Variants in SPATS2 observed in about 807,000 individuals in gnomAD.
SPATS2 encodes spermatogenesis associated serine rich 2, also known as spermatogenesis-associated serine-rich protein 2.
A neutral mutation model predicts 63.7 loss-of-function variants in SPATS2; 38 were observed. The observed-to-expected ratio is 0.60, with a 90% CI of 0.46 to 0.78. The LOEUF (loss-of-function observed/expected upper bound fraction) is 0.78. Among genes scored for constraint, SPATS2 ranks in the 30% least tolerant of loss-of-function variants. The pLI, the probability that SPATS2 is intolerant of heterozygous loss-of-function variation, is 0.00. For synonymous variants in SPATS2, 207 were observed against 232.9 expected (o/e 0.89, Z 1.01); for missense variants, 588 against 666.2 (o/e 0.88, Z 1.29).
chr12:49,459,261 A>T (rs1418888273), intron 2 of SPATS2, among the ~76,000 whole-genome samples: 1 of 152,182 alleles, frequency 6.6e-6, no homozygotes, highest in Non-Finnish European at 1.5e-5. Context: ...GTGCTAGAAG[A>T]TAAATTACCT....
intron 2 of SPATS2, among the ~76,000 whole-genome samples, chr12:49,458,077 A>G (rs929912796): frequency 1.3e-5 from 2 of 152,304 alleles, no homozygotes; most frequent in African/African-American, 4.8e-5. Flanking sequence ...ATTATTTAAT[A>G]TAAGTGTACT....
At chr12:49,455,012 A>G (rs1945694360) in intron 2 of SPATS2, among the ~76,000 whole-genome samples, 3 of 152,096 alleles carry the variant, frequency 2.0e-5, no homozygotes. Flanking sequence ...AAAAGTGCAC[A>G]CAGCCTTTAC....
intron 3 of SPATS2, among the ~76,000 whole-genome samples, chr12:49,480,796 T>G (rs930517698): frequency 4.4e-5 from 5 of 113,642 alleles, no homozygotes; most frequent in Non-Finnish European, 9.4e-5. Context: ...TTGTTTTCTG[T>G]TTTTTTTTTT....
intron 2 of SPATS2, among the ~76,000 whole-genome samples, chr12:49,385,422 C>A (rs1009163871): frequency 2.7e-5 from 4 of 148,460 alleles, no homozygotes; most frequent in African/African-American, 1.0e-4. Flanking sequence ...GAGACAGATT[C>A]AGATGTAGTG....
Position 49,460,782 on chromosome 12 carries a change from A to G in SPATS2, c.-231A>G. 1.8e-6 allele frequency: 1 copy of G among 562,020 alleles called. No homozygotes were observed. The highest frequency in any genetic ancestry group is 2.2e-5 in the South Asian group (1 of 44,624). 34.8% of individuals were successfully genotyped at this position (562,020 alleles called of 1,614,324 possible). A position where few individuals can be genotyped will look rare whatever the true frequency, so the allele number is the denominator to read the frequency against. ...TTTTTCCCTCCAGAATCTCCCTGGA[A>G]AAGGAGACATGAATGTCTGCAATGA... On this transcript the variant is annotated 5_prime_UTR_variant, in exon 3 of 14. Coordinates refer to ENST00000552918, the MANE Select transcript of SPATS2 (RefSeq NM_023071.4).
At chr12:49,382,144 G>A (rs560442777) in intron 2 of SPATS2, among the ~76,000 whole-genome samples, 2 of 152,312 alleles carry the variant, frequency 1.3e-5, no homozygotes, top group Non-Finnish European at 2.9e-5. Flanking sequence ...CTGCAATGCC[G>A]TCCAAGTCAG....
intron 6 of SPATS2, among the ~76,000 whole-genome samples, chr12:49,493,205 T>TG: frequency 6.6e-6 from 1 of 151,982 alleles, no homozygotes; most frequent in South Asian, 2.1e-4. Flanking sequence ...AGAAAGGACT[T>TG]GGGGAAAAAT....
At chr12:49,458,883 A>G (rs971068418) in intron 2 of SPATS2, among the ~76,000 whole-genome samples, 1 of 152,212 alleles carries the variant, frequency 6.6e-6, no homozygotes, top group African/African-American at 2.4e-5. Flanking sequence ...GCTTCCTGCA[A>G]TATGGACTAA....
chr12:49,431,280 GCT>G (rs1291911928), intron 2 of SPATS2, among the ~76,000 whole-genome samples: 1 of 150,466 alleles, frequency 6.6e-6, no homozygotes, highest in African/African-American at 2.5e-5. Context: ...GTGGAGCCTC[GCT>G]CTGTCGCCCA....
intron 2 of SPATS2, among the ~76,000 whole-genome samples, chr12:49,437,157 C>T (rs1286828980): frequency 9.3e-5 from 14 of 150,302 alleles, no homozygotes; most frequent in African/African-American, 3.2e-4. Flanking sequence ...TCAGACGGGG[C>T]GGTTGCCAGG....
chr12:49,525,005 C>G (rs1947009068), intron 13 of SPATS2, 109 bp downstream of exon 13: 1 of 1,120,918 alleles, frequency 8.9e-7, no homozygotes, highest in East Asian at 2.5e-5. Flanking sequence ...CCATTCCATG[C>G]CTGTTTTGAA....
intron 2 of SPATS2, among the ~76,000 whole-genome samples, chr12:49,372,940 TTGTGTGTGTGTGTGTGTGTGTGTG>T (rs56940721): frequency 1.0e-4 from 13 of 130,138 alleles, no homozygotes; most frequent in Admixed American, 5.5e-4. Context: ...ATTTTCTGTT[TTGTGTGTGTGTGTGTGTGTGTGTG>T]TGTGTGTGTG....
At chr12:49,503,665 A>G (rs1238167457) in intron 9 of SPATS2, among the ~76,000 whole-genome samples, 2 of 152,176 alleles carry the variant, frequency 1.3e-5, no homozygotes, top group South Asian at 2.1e-4. Flanking sequence ...AAAAAAGAAA[A>G]AAGAAAGAGC....
chr12:49,499,914 A>G (rs1946535147), intron 8 of SPATS2, among the ~76,000 whole-genome samples, 156 bp from the exon 9 acceptor site: 1 of 152,094 alleles, frequency 6.6e-6, no homozygotes, highest in South Asian at 2.1e-4. Flanking sequence ...TTTTCCAAAA[A>G]TCTATAAAAA....
rs377094785 is a variant in SPATS2 at position 49,464,542 on chromosome 12, G to A, written c.25+3505G>A. ...CTCAGGAGGCTGAGGCAGGAGAATC[G>A]CTTGAACCCGGGAGGTGGAGGTTGC... On this transcript the variant is annotated intron_variant, in intron 3 of 13. Transcript: ENST00000552918. 1.8e-3 allele frequency among the ~76,000 whole-genome samples: 271 copies of A among 150,168 alleles called. 1 individual carries two copies. Among genetic ancestry groups the A allele is most frequent in the African/African-American group, 6.3e-3 (256 of 40,676 alleles).
At position 49,519,062 on chromosome 12, in the gene SPATS2, T is replaced by C. The variant is rs1946895170; in HGVS notation, c.899-11T>C. The C allele has an allele frequency of 6.2e-7, 1 of 1,610,504 alleles. No individual in the cohort carries two copies. The highest frequency in any genetic ancestry group is 8.5e-7 in the Non-Finnish European group (1 of 1,177,240). ...AGCAACATAAGGTTCACACTCACTTTTCCTCTACAGTGGAAATTTTGCTCA... is the reference window on the plus strand; with the variant it reads ...AGCAACATAAGGTTCACACTCACTTCTCCTCTACAGTGGAAATTTTGCTCA... On this transcript the variant is annotated splice_polypyrimidine_tract_variant and intron_variant, in intron 10 of 13. Transcript: ENST00000552918.
intron 2 of SPATS2, among the ~76,000 whole-genome samples, chr12:49,453,376 G>A (rs1945659742): frequency 1.3e-5 from 2 of 151,944 alleles, no homozygotes; most frequent in African/African-American, 4.8e-5. Context: ...TCCTTCTGAG[G>A]GTTTTCGTTG....
At chr12:49,436,723 C>G in intron 2 of SPATS2, among the ~76,000 whole-genome samples, 2 of 144,714 alleles carry the variant, frequency 1.4e-5, no homozygotes, top group African/African-American at 2.6e-5. Context: ...GGCGGCTGGC[C>G]GGGCGGGGGG....
intron 2 of SPATS2, among the ~76,000 whole-genome samples, chr12:49,459,411 C>T (rs978533867): frequency 1.8e-4 from 27 of 151,898 alleles, no homozygotes; most frequent in Admixed American, 1.0e-3. Flanking sequence ...TGCAATGGTG[C>T]GATCTTGGCT....
Sources: gnomAD v4.1 joint callset for allele counts (sites outside exome capture counted in the v4.1 genomes callset) on GRCh38, gnomAD v4.1.1 for gene constraint, MANE v1.5 for transcripts, NCBI Gene and HGNC (gene_info 2026-07-23, HGNC 2026-07-21) for gene names.